SZRD1: variants seen among roughly 807,000 people sequenced by gnomAD.
The protein encoded by SZRD1 is SUZ RNA-binding domain-containing.
Under a neutral mutation model 17.6 loss-of-function variants are expected in SZRD1, and 7 were observed. The ratio of observed to expected loss-of-function variants is 0.40; its 90% CI spans 0.23 to 0.75. The LOEUF (loss-of-function observed/expected upper bound fraction) is 0.75, where lower values mean the gene tolerates loss of function less well. Ranked by LOEUF, SZRD1 falls within the 30% of genes least tolerant of loss-of-function variation. SZRD1 has a pLI of 0.38. For missense variants in SZRD1, 178 were observed against 201.8 expected (o/e 0.88, Z 0.71); for synonymous variants, 77 against 77.9 (o/e 0.99, Z 0.06).
rs535720227 is a variant in SZRD1 at position 16,391,485 on chromosome 1, G to A, written c.101+61G>A. 1.4e-6 allele frequency: 2 copies of A among 1,410,276 alleles called. No individual in the cohort carries two copies. Among genetic ancestry groups the A allele is most frequent in the Non-Finnish European group, 2.0e-6 (2 of 1,023,912 alleles). 87.4% of individuals were successfully genotyped at this position (1,410,276 alleles called of 1,614,324 possible). ...CTGTGGTTTGAGAGCCGGGCAGTCA[G>A]TGGTGTTCTCCAGCTGGCCATTAGG... On this transcript the variant is annotated intron_variant, in intron 2 of 3. Coordinates refer to ENST00000401088, the MANE Select transcript of SZRD1 (RefSeq NM_001114600.3). The surrounding 1 kb of genome is among the most constrained non-coding windows in gnomAD (Gnocchi z 4.3).
chr1:16,375,379 A>T (rs1439341210), intron 1 of SZRD1, among the ~76,000 whole-genome samples: 1 of 151,758 alleles, frequency 6.6e-6, no homozygotes, highest in Non-Finnish European at 1.5e-5. Context: ...GCAGTGGCGC[A>T]ATTTCTGCTC....
At chr1:16,373,683 G>A (rs960715822) in intron 1 of SZRD1, among the ~76,000 whole-genome samples, 10 of 150,116 alleles carry the variant, frequency 6.7e-5, no homozygotes, top group African/African-American at 9.8e-5. Context: ...CTGCTGTCTC[G>A]ACCTCCCAGG....
At chr1:16,379,223 C>T (rs1221524966) in intron 1 of SZRD1, among the ~76,000 whole-genome samples, 1 of 150,310 alleles carries the variant, frequency 6.7e-6, no homozygotes, top group East Asian at 2.0e-4. Flanking sequence ...GGATTCACGC[C>T]ATTCTCCTGC....
chr1:16,385,246 G>T (rs1425977481), intron 1 of SZRD1, among the ~76,000 whole-genome samples: 4 of 152,136 alleles, frequency 2.6e-5, no homozygotes, highest in Non-Finnish European at 4.4e-5. Flanking sequence ...GTATACTGAG[G>T]CACAGAGTGG....
At chr1:16,372,845 C>T (rs2082937105) in intron 1 of SZRD1, among the ~76,000 whole-genome samples, 1 of 152,134 alleles carries the variant, frequency 6.6e-6, no homozygotes, top group South Asian at 2.1e-4. Context: ...CATGGAGGCC[C>T]TGTTTAGTGG....
At chr1:16,380,826 C>T (rs1433386210) in intron 1 of SZRD1, among the ~76,000 whole-genome samples, 7 of 151,896 alleles carry the variant, frequency 4.6e-5, no homozygotes, top group South Asian at 2.1e-4. Flanking sequence ...AGGCTGGTCT[C>T]GAACTCCTGA....
chr1:16,371,766 C>A lies in SZRD1; in HGVS notation c.51+4458C>A, dbSNP rs1028243571. Among the ~76,000 whole-genome samples the A allele has an allele frequency of 3.3e-5, 5 of 151,780 alleles. No individual in the cohort carries two copies. In the East Asian group the frequency reaches 9.7e-4, roughly 29 times the overall value. ...GTGAGCTGCTGCGCCTGGCCCCTTTCTTAAGACAGAAGGGTCTTGCTCTGT... is the reference window on the plus strand; with the variant it reads ...GTGAGCTGCTGCGCCTGGCCCCTTTATTAAGACAGAAGGGTCTTGCTCTGT... On this transcript the variant is annotated intron_variant, in intron 1 of 3. Transcript: ENST00000401088.
intron 1 of SZRD1, among the ~76,000 whole-genome samples, chr1:16,377,411 T>C (rs61770594): frequency 0.081 from 12,375 of 152,026 alleles, 689 homozygotes; most frequent in Non-Finnish European, 0.12. Context: ...GGTGAAACCC[T>C]GTCACTACTA....
At chr1:16,375,895 T>C (rs186535814) in intron 1 of SZRD1, among the ~76,000 whole-genome samples, 1 of 152,344 alleles carries the variant, frequency 6.6e-6, no homozygotes. Flanking sequence ...AGCCCAGCCC[T>C]TCCTAGCTTA....
intron 1 of SZRD1, among the ~76,000 whole-genome samples, chr1:16,373,869 C>T (rs748741577): frequency 1.3e-5 from 2 of 152,162 alleles, no homozygotes; most frequent in African/African-American, 2.4e-5. Flanking sequence ...TCCCGGAGTG[C>T]TGGGATTGCA....
rs560137184 is a variant in SZRD1, at chr1:16,368,230, C to T, written c.51+922C>T. Among the ~76,000 whole-genome samples the T allele has an allele frequency of 2.0e-5, 3 of 152,166 alleles. No individual in the cohort carries two copies. In the East Asian group the frequency reaches 5.8e-4, roughly 29 times the overall value. On this transcript the variant is annotated intron_variant, in intron 1 of 3. Transcript: ENST00000401088. ...ATATGGGGAGATGCTTTTTTTGTCT[C>T]CCCGTGTTCGCGTCTGTTCAATGCT...
At position 16,379,805 on chromosome 1, in the gene SZRD1, G is replaced by A. The variant is rs548782476; in HGVS notation, c.52-11570G>A. On this transcript the variant is annotated intron_variant, in intron 1 of 3. Coordinates refer to ENST00000401088, the MANE Select transcript of SZRD1 (RefSeq NM_001114600.3). ...AGACGAAGTCTCGCTCTGTTGCCCAGGCTGGAGTGCAGTGGCGCAGTCTTG... is the reference window on the plus strand; with the variant it reads ...AGACGAAGTCTCGCTCTGTTGCCCAAGCTGGAGTGCAGTGGCGCAGTCTTG... Among the ~76,000 whole-genome samples the A allele has an allele frequency of 8.3e-4, 120 of 143,718 alleles. 1 individual carries two copies. Among genetic ancestry groups the A allele is most frequent in the Middle Eastern group, 8.1e-3 (2 of 248 alleles). 94.3% of individuals were successfully genotyped at this position (143,718 alleles called of 152,430 possible).
intron 1 of SZRD1, among the ~76,000 whole-genome samples, chr1:16,376,479 T>G (rs768596003): frequency 2.6e-5 from 4 of 152,164 alleles, no homozygotes; most frequent in Non-Finnish European, 4.4e-5. Context: ...GAAATAACTT[T>G]TTAACATTTG....
intron 1 of SZRD1, chr1:16,387,720 T>A (rs1349541702): frequency 2.2e-6 from 1 of 456,556 alleles, no homozygotes; most frequent in Non-Finnish European, 4.4e-6. Context: ...TAGGCAGTCT[T>A]GTATTTAGAG....
chr1:16,389,367 C>T (rs981786435), intron 1 of SZRD1, among the ~76,000 whole-genome samples: 16 of 152,062 alleles, frequency 1.1e-4, no homozygotes, highest in African/African-American at 2.9e-4. Flanking sequence ...CGGGTTCACG[C>T]CATTCTCCTG....
Position 16,393,173 on chromosome 1 carries a change from CA to C in SZRD1, c.102-54del. On this transcript the variant is annotated intron_variant, in intron 2 of 3. Transcript: ENST00000401088. This position sits in a 1 kb window ranked among gnomAD's most constrained non-coding sequence, Gnocchi z 5.6. ...ATGAGAGGTGGGTGTGGGACATGGA[CA>C]GGGCCTCCTTAGTCAGGAGCATGAT... is the stretch of plus-strand genomic sequence containing the variant. The C allele has an allele frequency of 1.3e-6, 2 of 1,591,696 alleles. No homozygotes were observed. Among genetic ancestry groups the C allele is most frequent in the Non-Finnish European group, 1.7e-6 (2 of 1,165,190 alleles).
rs1225461480 is a variant in SZRD1, at chr1:16,376,853, G to GC, written c.51+9546dup. On this transcript the variant is annotated intron_variant, in intron 1 of 3. Transcript: ENST00000401088. ...TGCTCAGGATTTTTAAATGGAGGGGGCGGTGGTCTTGCCTTGTTACCCAGA... is the reference window on the plus strand; with the variant it reads ...TGCTCAGGATTTTTAAATGGAGGGGGCCGGTGGTCTTGCCTTGTTACCCAGA... Among the ~76,000 whole-genome samples the GC allele has an allele frequency of 2.0e-5, 3 of 151,572 alleles. No individual in the cohort carries two copies. The East Asian group carries it at 5.8e-4, about 29-fold the overall frequency.
chr1:16,371,752 C>T (rs574593981), intron 1 of SZRD1, among the ~76,000 whole-genome samples: 8 of 152,102 alleles, frequency 5.3e-5, no homozygotes, highest in Non-Finnish European at 1.0e-4. Flanking sequence ...TGAGCTGCTG[C>T]GCCTGGCCCC....
At chr1:16,376,587 C>G (rs1439352149) in intron 1 of SZRD1, among the ~76,000 whole-genome samples, 7 of 152,100 alleles carry the variant, frequency 4.6e-5, no homozygotes, top group Non-Finnish European at 1.0e-4. Flanking sequence ...AGGCGGATCA[C>G]TTGAGGTCAG....
Sources: gnomAD v4.1 joint callset for allele counts (sites outside exome capture counted in the v4.1 genomes callset) on GRCh38, gnomAD v4.1.1 for gene constraint, Gnocchi (gnomAD v3.1) non-coding constraint, MANE v1.5 for transcripts, NCBI Gene and HGNC (gene_info 2026-07-23, HGNC 2026-07-21) for gene names.